XPR1: variants seen among roughly 807,000 people sequenced by gnomAD.
XPR1 encodes solute carrier family 53 member 1.
A neutral mutation model predicts 87.5 loss-of-function variants in XPR1; 28 were observed. The ratio of observed to expected loss-of-function variants is 0.32; its 90% confidence interval spans 0.24 to 0.44. XPR1 has a LOEUF of 0.44. Ranked by LOEUF, XPR1 falls within the 20% of genes least tolerant of loss-of-function variation. The pLI, the probability that XPR1 is intolerant of heterozygous loss-of-function variation, is 1.00. For missense variants in XPR1, 559 were observed against 862.3 expected, an observed-to-expected ratio of 0.65 and a Z score of 4.41; for synonymous variants, 300 against 306.1, an observed-to-expected ratio of 0.98 and a Z score of 0.21.
chr1:180,654,861 G>T (rs1335824354), intron 1 of XPR1, among the ~76,000 whole-genome samples: 1 of 152,046 alleles, frequency 6.6e-6, no homozygotes, highest in Non-Finnish European at 1.5e-5. Flanking sequence ...ATATCTCTCT[G>T]TGTTCAAAGA....
chr1:180,644,910 C>G (rs1485022017), intron 1 of XPR1, among the ~76,000 whole-genome samples: 5 of 151,884 alleles, frequency 3.3e-5, no homozygotes, highest in African/African-American at 1.2e-4. Context: ...ATGGTCCCAT[C>G]TGGGGCTGAG....
intron 2 of XPR1, among the ~76,000 whole-genome samples, chr1:180,780,889 C>T (rs1345864664): frequency 6.6e-6 from 1 of 151,686 alleles, no homozygotes; most frequent in Non-Finnish European, 1.5e-5. Context: ...TGTCTTTTTA[C>T]TTTTTTGATA....
At chr1:180,749,832 G>A (rs1338986348) in intron 2 of XPR1, among the ~76,000 whole-genome samples, 1 of 152,110 alleles carries the variant, frequency 6.6e-6, no homozygotes, top group Admixed American at 6.5e-5. Flanking sequence ...GTTGAAAGAA[G>A]AGCAACCTTT....
chr1:180,735,847 A>G (rs975909257), intron 2 of XPR1, among the ~76,000 whole-genome samples: 2 of 152,152 alleles, frequency 1.3e-5, no homozygotes, highest in African/African-American at 4.8e-5. Flanking sequence ...CATCCTTTAC[A>G]TGAATCTCTT....
chr1:180,874,384 G>C (rs1271033687), intron 13 of XPR1, among the ~76,000 whole-genome samples: 1 of 151,656 alleles, frequency 6.6e-6, no homozygotes, highest in Non-Finnish European at 1.5e-5. Context: ...CAATAAAAAT[G>C]CTAGATAAAA....
At chr1:180,803,253 T>C in intron 3 of XPR1, 135 bp from the exon 4 acceptor site, 1 of 775,688 alleles carries the variant, frequency 1.3e-6, no homozygotes, top group Admixed American at 3.0e-5. Flanking sequence ...TTTTTTCCTA[T>C]AGAGTTCTAA....
intron 2 of XPR1, among the ~76,000 whole-genome samples, chr1:180,727,736 C>T (rs1380195416): frequency 6.6e-6 from 1 of 152,208 alleles, no homozygotes; most frequent in African/African-American, 2.4e-5. Context: ...TCAAGGGCTG[C>T]TGGTTGCCCA....
At chr1:180,866,790 T>C (rs990872323) in intron 12 of XPR1, among the ~76,000 whole-genome samples, 1 of 145,564 alleles carries the variant, frequency 6.9e-6, no homozygotes, top group Non-Finnish European at 1.5e-5. Context: ...TATACACATA[T>C]TAGTTTATTT....
rs1047607488 is a variant in XPR1, at chr1:180,889,361, C to T, written c.*5295C>T. 3 of 152,232 alleles carry T rather than the reference C, an allele frequency of 2.0e-5. No individual in the cohort carries two copies. The highest frequency in any genetic ancestry group is 7.2e-5 in the African/African-American group (3 of 41,466). 9.4% of individuals were successfully genotyped at this position (152,232 alleles called of 1,614,324 possible). A position where few individuals can be genotyped will look rare whatever the true frequency, so the allele number is the denominator to read the frequency against. On this transcript the variant is annotated 3_prime_UTR_variant, in exon 15 of 15. Transcript: ENST00000367590. ...ACTTGACTAAACTTCCACCATATTA[C>T]CTTAGTTCTTCCTATGCCCTTTCCT...
At chr1:180,688,734 G>T (rs949418139) in intron 2 of XPR1, among the ~76,000 whole-genome samples, 2 of 152,112 alleles carry the variant, frequency 1.3e-5, no homozygotes, top group Admixed American at 6.5e-5. Context: ...CAGTGATACA[G>T]AACTGTGGAA....
chr1:180,856,518 C>G (rs1250055611), intron 11 of XPR1, among the ~76,000 whole-genome samples: 1 of 152,190 alleles, frequency 6.6e-6, no homozygotes, highest in Non-Finnish European at 1.5e-5. Context: ...GCTTCCTCCA[C>G]CTCGATGTTT....
At chr1:180,711,960 A>T (rs1259476912) in intron 2 of XPR1, among the ~76,000 whole-genome samples, 1 of 152,176 alleles carries the variant, frequency 6.6e-6, no homozygotes, top group East Asian at 1.9e-4. Context: ...TGAAAAGACC[A>T]TCCTGTCTCC....
intron 13 of XPR1, among the ~76,000 whole-genome samples, 153 bp from the exon 14 acceptor site, chr1:180,879,923 C>G (rs1652793839): frequency 6.6e-6 from 1 of 152,186 alleles, no homozygotes; most frequent in South Asian, 2.1e-4. Flanking sequence ...ACCACCACCT[C>G]CCCGCAACAC....
chr1:180,638,398 G>A (rs1442827374), intron 1 of XPR1, among the ~76,000 whole-genome samples: 1 of 152,130 alleles, frequency 6.6e-6, no homozygotes, highest in East Asian at 1.9e-4. Flanking sequence ...AACCACAGCT[G>A]GTTTGTGGGT....
At chr1:180,773,296 A>G (rs1468758500) in intron 2 of XPR1, among the ~76,000 whole-genome samples, 1 of 152,166 alleles carries the variant, frequency 6.6e-6, no homozygotes, top group African/African-American at 2.4e-5. Flanking sequence ...AGGTCCAGAG[A>G]TAAGGAAAGT....
intron 1 of XPR1, among the ~76,000 whole-genome samples, chr1:180,661,253 C>T (rs948536448): frequency 2.6e-5 from 4 of 151,522 alleles, no homozygotes; most frequent in African/African-American, 9.7e-5. Context: ...ATAGGTGAAG[C>T]GTGTTTCTTG....
intron 2 of XPR1, among the ~76,000 whole-genome samples, chr1:180,723,663 C>T (rs1658245848): frequency 1.3e-5 from 2 of 152,252 alleles, no homozygotes; most frequent in African/African-American, 4.8e-5. Flanking sequence ...TCTTCCCTTA[C>T]CTGTCTTCAA....
intron 3 of XPR1, among the ~76,000 whole-genome samples, chr1:180,801,128 G>A (rs538432478): frequency 6.6e-6 from 1 of 152,338 alleles, no homozygotes; most frequent in Admixed American, 6.5e-5. Context: ...GTTAAGTGCT[G>A]CCATCTGGCC....
At chr1:180,793,034 G>A (rs1554184) in intron 3 of XPR1, among the ~76,000 whole-genome samples, 47,662 of 151,614 alleles carry the variant, frequency 0.31, 8,216 homozygotes, top group Non-Finnish European at 0.38. Context: ...TTTTTTCTGG[G>A]TGACTTTTTT....
Sources: allele counts gnomAD v4.1 joint callset (sites outside exome capture counted in the v4.1 genomes callset), GRCh38; gene constraint gnomAD v4.1.1; transcripts MANE v1.5; gene names NCBI Gene and HGNC (gene_info 2026-07-23, HGNC 2026-07-21).